LIPH: variants seen among roughly 807,000 people sequenced by gnomAD.
LIPH encodes lipase member H.
In LIPH, 32 loss-of-function variants were observed where a neutral mutation model predicts 47.6. That is an observed-to-expected ratio of 0.67 (90% CI 0.51 to 0.90). The LOEUF is 0.90. Among genes scored for constraint, LIPH ranks in the 40% least tolerant of loss-of-function variants. LIPH has a pLI of 0.00. For missense variants in LIPH, 497 were observed against 541.4 expected, an observed-to-expected ratio of 0.92 and a Z score of 0.81; for synonymous variants, 190 against 195.6, an observed-to-expected ratio of 0.97 and a Z score of 0.24.
chr3:185,544,344 T>TTTTGTTTTGTTTTGTTTTG (rs1553826310), intron 1 of LIPH, among the ~76,000 whole-genome samples: 5,270 of 151,804 alleles, frequency 0.035, 159 homozygotes, highest in East Asian at 0.16. Flanking sequence ...CTGTTGTTTT[T>TTTTGTTTTGTTTTGTTTTG]TTTTGTTTTG....
Position 185,535,546 on chromosome 3 carries a change from G to A in LIPH, c.50-414C>T, listed in dbSNP as rs541035163. On this transcript the variant is annotated intron_variant, in intron 1 of 9. Coordinates refer to ENST00000296252, the MANE Select transcript of LIPH (RefSeq NM_139248.3). ...CCACTCACCTTGGCCTCCCAAAGTGGTAGGATTACAGGCCTGAGCCCACCA... is the reference window on the plus strand; with the variant it reads ...CCACTCACCTTGGCCTCCCAAAGTGATAGGATTACAGGCCTGAGCCCACCA... Among the ~76,000 whole-genome samples the A allele has an allele frequency of 4.0e-5, 6 of 151,626 alleles. No individual in the cohort carries two copies. The South Asian group carries it at 6.3e-4, about 16-fold the overall frequency.
chr3:185,526,691 A>ATAATATAATATAATATAATATAATATAAT (rs1560163035), intron 4 of LIPH, among the ~76,000 whole-genome samples: 2 of 32,742 alleles, frequency 6.1e-5, no homozygotes, highest in African/African-American at 1.7e-4. Context: ...TATAATATAA[A>ATAATATAATATAATATAATATAATATAAT]ATAAATAAAA....
chr3:185,519,808 G>T, intron 5 of LIPH, among the ~76,000 whole-genome samples: 1 of 111,608 alleles, frequency 9.0e-6, no homozygotes. Flanking sequence ...TTGCACTCCA[G>T]CCTGGGCAAC....
chr3:185,535,115 G>A lies in LIPH; in HGVS notation c.67C>T (p.Pro23Ser), dbSNP rs780241441. The A allele has an allele frequency of 6.2e-7, 1 of 1,614,126 alleles. No individual in the cohort carries two copies. Among genetic ancestry groups the A allele is most frequent in the Non-Finnish European group, 8.5e-7 (1 of 1,180,028 alleles). ...TGAAAGCTCAGCCTGGTGAATGAAG[G>A]ACATGTTTCTTCTGCGTCTGAAAAT... ...LSRSDAEETC[P>S]SFTRLSFHSA... Residue 23 changes from proline to serine, a missense_variant, in exon 2 of 10, where the codon CCT (proline) becomes TCT (serine). Pro to Ser is a moderately conservative substitution (Grantham distance 74). Transcript: ENST00000296252.
intron 5 of LIPH, among the ~76,000 whole-genome samples, chr3:185,523,199 G>A (rs1431718765): frequency 1.3e-5 from 2 of 152,034 alleles, no homozygotes; most frequent in Non-Finnish European, 2.9e-5. Flanking sequence ...GCAATTTCCA[G>A]GTGTGGAATT....
chr3:185,535,688 C>T (rs193266943), intron 1 of LIPH, among the ~76,000 whole-genome samples: 154 of 152,196 alleles, frequency 1.0e-3, no homozygotes, highest in African/African-American at 3.3e-3. Flanking sequence ...CTGCAACCTC[C>T]GCCTCCCGGG....
intron 6 of LIPH, among the ~76,000 whole-genome samples, chr3:185,518,876 C>A (rs548176115): frequency 6.6e-6 from 1 of 151,800 alleles, no homozygotes; most frequent in Non-Finnish European, 1.5e-5. Flanking sequence ...AGGCACGCAC[C>A]ACCACACCCG....
At position 185,511,692 on chromosome 3, in the gene LIPH, G is replaced by C. The variant is rs770265606; in HGVS notation, c.1100C>G (p.Pro367Arg). Residue 367 changes from proline (P) to arginine (R), a missense_variant, in exon 9 of 10, where the codon CCC (proline) becomes CGC (arginine). Physicochemically the swap from Pro to Arg is moderately radical, Grantham distance 103. Transcript: ENST00000296252. Reference protein sequence around the residue: ...NTTESKINHEPTTFQKYHQVS... With the variant: ...NTTESKINHERTTFQKYHQVS... ...TTGGTGATATTTCTGAAATGTGGTG[G>C]GTTCACTGGAAGGAAGAAGTAATAC... 1.2e-6 allele frequency: 2 copies of C among 1,610,196 alleles called. No individual in the cohort carries two copies. Among genetic ancestry groups the C allele is most frequent in the Non-Finnish European group, 1.7e-6 (2 of 1,176,512 alleles).
intron 1 of LIPH, among the ~76,000 whole-genome samples, chr3:185,550,374 T>C (rs1376447509): frequency 6.6e-6 from 1 of 152,172 alleles, no homozygotes; most frequent in African/African-American, 2.4e-5. Context: ...TCTTCTAGAA[T>C]CTAGCAGTAA....
intron 4 of LIPH, among the ~76,000 whole-genome samples, chr3:185,525,371 GTAA>G (rs1421388115): frequency 5.3e-5 from 8 of 152,124 alleles, no homozygotes; most frequent in East Asian, 3.9e-4. Flanking sequence ...ATGCATCATA[GTAA>G]TAATAATAAT....
intron 8 of LIPH, among the ~76,000 whole-genome samples, chr3:185,513,245 C>A (rs2148947054): frequency 6.6e-6 from 1 of 151,314 alleles, no homozygotes; most frequent in South Asian, 2.1e-4. Context: ...GAGGCTGAAG[C>A]AGGAGATTCG....
At position 185,538,847 on chromosome 3, in the gene LIPH, A is replaced by G. The variant is rs565087338; in HGVS notation, c.50-3715T>C. ...CATATACATATATACATATATACAC[A>G]TATATATACATATATACATATATAC... On this transcript the variant is annotated intron_variant, in intron 1 of 9. Transcript: ENST00000296252. Among the ~76,000 whole-genome samples, 142 of 101,184 alleles carry G rather than the reference A, an allele frequency of 1.4e-3. 1 individual carries two copies. Among genetic ancestry groups the G allele is most frequent in the Non-Finnish European group, 2.7e-3 (129 of 47,468 alleles). 66.4% of individuals were successfully genotyped at this position (101,184 alleles called of 152,430 possible). A position where few individuals can be genotyped will look rare whatever the true frequency, so the allele number is the denominator to read the frequency against.
rs1223783665 is a variant in LIPH at position 185,506,428 on chromosome 3, T to A, written c.*2362A>T. ...AGCTAGGAGACCCACGAGCCTAGAG[T>A]TTACAAAGTAGTAGAAATTCTATTT... On this transcript the variant is annotated 3_prime_UTR_variant, in exon 10 of 10. Coordinates refer to ENST00000296252, the MANE Select transcript of LIPH (RefSeq NM_139248.3). 1.3e-5 allele frequency: 2 copies of A among 152,070 alleles called. No individual in the cohort carries two copies. Among genetic ancestry groups the A allele is most frequent in the African/African-American group, 4.8e-5 (2 of 41,374 alleles). The allele number at this position is 152,070 out of a possible 1,614,324, so 9.4% of individuals were successfully genotyped here.
At chr3:185,548,417 A>G (rs1720948388) in intron 1 of LIPH, among the ~76,000 whole-genome samples, 1 of 149,974 alleles carries the variant, frequency 6.7e-6, no homozygotes, top group African/African-American at 2.5e-5. Context: ...TAAAAGGAAA[A>G]AAAAAACAAC....
intron 1 of LIPH, among the ~76,000 whole-genome samples, chr3:185,541,828 C>T (rs1197212413): frequency 6.6e-6 from 1 of 151,774 alleles, no homozygotes; most frequent in Non-Finnish European, 1.5e-5. Flanking sequence ...ATGATCTTGG[C>T]TCACTACAAC....
chr3:185,546,630 T>C (rs919798506), intron 1 of LIPH, among the ~76,000 whole-genome samples: 3 of 152,090 alleles, frequency 2.0e-5, no homozygotes, highest in African/African-American at 7.2e-5. Context: ...TGAGACCCTG[T>C]CTCTAGAAAA....
At chr3:185,530,022 G>A (rs924536279) in intron 3 of LIPH, among the ~76,000 whole-genome samples, 10 of 152,130 alleles carry the variant, frequency 6.6e-5, no homozygotes, top group African/African-American at 2.2e-4. Context: ...GGTGGCATGC[G>A]CCTGTAGTCC....
chr3:185,514,502 AT>A lies in LIPH; in HGVS notation c.1001del (p.Asp334ValfsTer3), dbSNP rs767358237. 1.4e-6 allele frequency: 2 copies of A among 1,431,736 alleles called. No individual in the cohort carries two copies. 88.7% of individuals were successfully genotyped at this position (1,431,736 alleles called of 1,614,324 possible). On this transcript the variant is annotated frameshift_variant, in exon 8 of 10. Transcript: ENST00000296252. Reference protein sequence around the residue: ...SPFCMYHYFVDIITWNKNVRR... With the variant: ...SPFCMYHYFVXIITWNKNVRR... ...TTACATTCTTGTTCCATGTTATAAT[AT>A]CCACAAAGTAATGATACACTGCAAA... is the stretch of plus-strand genomic sequence containing the variant.
At chr3:185,529,957 AGAAAGAAG>A (rs554483890) in intron 3 of LIPH, among the ~76,000 whole-genome samples, 2,659 of 56,590 alleles carry the variant, frequency 0.047, 38 homozygotes, top group Middle Eastern at 0.068. Context: ...AAAGAAAGAA[AGAAAGAAG>A]GAAAGAAAGA....
Sources: allele counts gnomAD v4.1 joint callset (sites outside exome capture counted in the v4.1 genomes callset), GRCh38; gene constraint gnomAD v4.1.1; transcripts MANE v1.5; gene names NCBI Gene and HGNC (gene_info 2026-07-23, HGNC 2026-07-21).